Variants in WDR7 observed in about 807,000 individuals in gnomAD.
The protein encoded by WDR7 is WD repeat domain 7.
Under a neutral mutation model 169.4 loss-of-function variants are expected in WDR7, and 46 were observed. That is an observed-to-expected ratio of 0.27 (90% CI 0.21 to 0.35). The LOEUF is 0.35. Among genes scored for constraint, WDR7 ranks in the 10% least tolerant of loss-of-function variants. The pLI is 1.00. For missense variants in WDR7, 1,534 were observed against 1,859.3 expected (o/e 0.83, Z 3.22); for synonymous variants, 612 against 666.8 (o/e 0.92, Z 1.27).
chr18:56,904,621 C>T (rs934065175), intron 21 of WDR7, among the ~76,000 whole-genome samples: 2 of 151,964 alleles, frequency 1.3e-5, no homozygotes, highest in Non-Finnish European at 2.9e-5. Flanking sequence ...TCCTGCTTTC[C>T]ACATGTGGAA....
intron 20 of WDR7, among the ~76,000 whole-genome samples, chr18:56,852,759 C>T (rs1397217764): frequency 6.6e-6 from 1 of 151,986 alleles, no homozygotes; most frequent in East Asian, 1.9e-4. Flanking sequence ...GATAAATGGA[C>T]TAGAAGATTT....
intron 12 of WDR7, chr18:56,699,695 C>G (rs1270985048): frequency 3.2e-6 from 1 of 313,566 alleles, no homozygotes; most frequent in African/African-American, 2.3e-5. Context: ...ATGATTTCTC[C>G]TCTCTTTATA....
chr18:56,851,980 A>G (rs1304359212), intron 20 of WDR7, among the ~76,000 whole-genome samples: 2 of 152,132 alleles, frequency 1.3e-5, no homozygotes, highest in Non-Finnish European at 2.9e-5. Flanking sequence ...AGTTCCTGTT[A>G]TTGTCATCTT....
chr18:56,695,822 C>T (rs1205360611), intron 11 of WDR7, among the ~76,000 whole-genome samples: 1 of 151,956 alleles, frequency 6.6e-6, no homozygotes, highest in Non-Finnish European at 1.5e-5. Flanking sequence ...GAATGTCAAC[C>T]ATATATATAT....
At chr18:57,012,626 C>T (rs978288719) in intron 26 of WDR7, among the ~76,000 whole-genome samples, 8 of 152,224 alleles carry the variant, frequency 5.3e-5, no homozygotes, top group Non-Finnish European at 1.2e-4. Context: ...ACCCAGCCTC[C>T]AAGCACCACC....
intron 20 of WDR7, among the ~76,000 whole-genome samples, chr18:56,837,758 G>A (rs879387475): frequency 3.4e-4 from 52 of 151,998 alleles, no homozygotes; most frequent in Non-Finnish European, 4.0e-4. Context: ...CCTCCTGGGT[G>A]CAAGCTATTC....
chr18:56,727,546 G>C (rs1214720147), intron 13 of WDR7, among the ~76,000 whole-genome samples: 3 of 152,114 alleles, frequency 2.0e-5, no homozygotes, highest in Non-Finnish European at 4.4e-5. Context: ...CTGAGCGAAG[G>C]GGAAAGCCCC....
chr18:56,764,056 GATT>G (rs1480115988), intron 16 of WDR7, among the ~76,000 whole-genome samples: 7 of 149,052 alleles, frequency 4.7e-5, no homozygotes, highest in East Asian at 2.0e-4. Context: ...TTTTTGATTT[GATT>G]ATTATTTATT....
At chr18:56,796,441 G>A (rs189104702) in intron 19 of WDR7, among the ~76,000 whole-genome samples, 7 of 152,290 alleles carry the variant, frequency 4.6e-5, no homozygotes, top group African/African-American at 1.4e-4. Flanking sequence ...GTTTCTTTAA[G>A]ACTAGTGATT....
At chr18:56,682,044 A>G (rs994599795) in intron 4 of WDR7, among the ~76,000 whole-genome samples, 4 of 152,232 alleles carry the variant, frequency 2.6e-5, no homozygotes, top group African/African-American at 7.2e-5. Context: ...TATGATTTCA[A>G]TGGGAAAGGA....
In WDR7 at chr18:56,757,227, A is replaced by G. The variant is rs200326733; in HGVS notation, c.2634A>G (p.Gly878=). 1.4e-5 allele frequency: 22 copies of G among 1,614,082 alleles called. No homozygotes were observed. The highest frequency in any genetic ancestry group is 1.3e-4 in the Admixed American group (8 of 59,988). Residue 878 remains glycine (G), a synonymous_variant, in exon 15 of 28, where the codon GGA becomes GGG. Transcript: ENST00000254442. ...KLPASEGVGK[G]TYGVSRAVTT... is the part of the protein sequence containing the mutation. ...CAGCGTCTGAGGGAGTAGGAAAGGG[A>G]ACTTACGGAGTGTCCCGTGCCGTCA...
chr18:56,719,070 C>CT (rs2026257404), intron 13 of WDR7, among the ~76,000 whole-genome samples: 1 of 152,192 alleles, frequency 6.6e-6, no homozygotes, highest in Non-Finnish European at 1.5e-5. Flanking sequence ...TTCTTGAAGT[C>CT]TGTCAAACTT....
At chr18:56,977,650 T>C (rs1368373400) in intron 26 of WDR7, among the ~76,000 whole-genome samples, 1 of 152,232 alleles carries the variant, frequency 6.6e-6, no homozygotes, top group Non-Finnish European at 1.5e-5. Context: ...CATCTTAATC[T>C]AGAATATTCA....
intron 26 of WDR7, among the ~76,000 whole-genome samples, chr18:56,966,058 A>G (rs1224599793): frequency 6.6e-6 from 1 of 152,166 alleles, no homozygotes; most frequent in Non-Finnish European, 1.5e-5. Context: ...AACATGGTAA[A>G]GCAGACTTTA....
At chr18:56,824,244 C>T (rs1056875902) in intron 20 of WDR7, among the ~76,000 whole-genome samples, 11 of 152,234 alleles carry the variant, frequency 7.2e-5, no homozygotes, top group Middle Eastern at 3.4e-3. Flanking sequence ...GCTTGAGTGT[C>T]GTCATCTTCA....
intron 21 of WDR7, among the ~76,000 whole-genome samples, chr18:56,915,448 T>A (rs2046611556): frequency 6.6e-6 from 1 of 152,222 alleles, no homozygotes; most frequent in Admixed American, 6.5e-5. Flanking sequence ...ATATAATATA[T>A]TCTCCCATAG....
chr18:56,789,903 G>A (rs952026918), intron 19 of WDR7, among the ~76,000 whole-genome samples: 6 of 152,156 alleles, frequency 3.9e-5, no homozygotes, highest in African/African-American at 2.4e-5. Flanking sequence ...CACTCATTCA[G>A]CCTGTGACAC....
At chr18:56,723,977 T>C (rs1444738506) in intron 13 of WDR7, among the ~76,000 whole-genome samples, 1 of 151,958 alleles carries the variant, frequency 6.6e-6, no homozygotes, top group Admixed American at 6.6e-5. Flanking sequence ...TCCCATCTAG[T>C]ATATTTTTCA....
intron 19 of WDR7, among the ~76,000 whole-genome samples, chr18:56,787,691 C>A (rs1049520255): frequency 2.0e-5 from 3 of 152,144 alleles, no homozygotes; most frequent in Non-Finnish European, 4.4e-5. Flanking sequence ...TGACTTTCAA[C>A]AAGCCACACT....
Sources: gnomAD v4.1 joint callset for allele counts (sites outside exome capture counted in the v4.1 genomes callset) on GRCh38, gnomAD v4.1.1 for gene constraint, MANE v1.5 for transcripts, NCBI Gene and HGNC (gene_info 2026-07-23, HGNC 2026-07-21) for gene names.